Variants in SWT1 observed in about 807,000 individuals in gnomAD.
The protein encoded by SWT1 is SWT1 RNA endoribonuclease homolog.
SWT1 carries 33 observed loss-of-function variants against 107.3 expected under a neutral mutation model. The observed-to-expected ratio is 0.31, with a 90% CI of 0.23 to 0.41. The LOEUF is 0.41. Among genes scored for constraint, SWT1 ranks in the 10% least tolerant of loss-of-function variants. SWT1 has a pLI of 1.00. For missense variants in SWT1, 898 were observed against 1,028.9 expected (o/e 0.87, Z 1.74); for synonymous variants, 345 against 348.3 (o/e 0.99, Z 0.11).
At position 185,233,730 on chromosome 1, in the gene SWT1, G is replaced by A. The variant is rs570001725; in HGVS notation, c.2441+2022G>A. On this transcript the variant is annotated intron_variant, in intron 16 of 18. Coordinates refer to ENST00000367500, the MANE Select transcript of SWT1 (RefSeq NM_017673.7). ...AGAGTGTTTTACTTCGAATTATGTGGTCAATTTTATTTATTTATTTATTTA... is the reference window on the plus strand; with the variant it reads ...AGAGTGTTTTACTTCGAATTATGTGATCAATTTTATTTATTTATTTATTTA... Among the ~76,000 whole-genome samples the A allele has an allele frequency of 5.3e-5, 8 of 152,044 alleles. No individual in the cohort carries two copies. In the South Asian group the frequency reaches 1.7e-3, roughly 32 times the overall value.
At chr1:185,176,830 A>G (rs914191403) in intron 5 of SWT1, 17 of 444,696 alleles carry the variant, frequency 3.8e-5, no homozygotes, top group Non-Finnish European at 5.1e-5. Flanking sequence ...TAAAAATACA[A>G]AAAATTAGCT....
At chr1:185,223,842 C>A (rs1216380174) in intron 15 of SWT1, among the ~76,000 whole-genome samples, 1 of 152,132 alleles carries the variant, frequency 6.6e-6, no homozygotes, top group Non-Finnish European at 1.5e-5. Flanking sequence ...TTGCTCCCCT[C>A]CATGTGTCCA....
intron 11 of SWT1, 94 bp from the exon 12 acceptor site, chr1:185,204,606 A>C (rs547659905): frequency 1.9e-6 from 1 of 533,410 alleles, no homozygotes; most frequent in Non-Finnish European, 3.1e-6. Context: ...AAATATATAC[A>C]TAAAATGTTT....
At chr1:185,210,853 G>C (rs905664768) in intron 13 of SWT1, among the ~76,000 whole-genome samples, 4 of 152,070 alleles carry the variant, frequency 2.6e-5, no homozygotes, top group Admixed American at 2.6e-4. Context: ...AAAGTCTCAG[G>C]ATACAAAATC....
chr1:185,259,588 T>C (rs1338467713), intron 16 of SWT1, among the ~76,000 whole-genome samples: 1 of 152,118 alleles, frequency 6.6e-6, no homozygotes, highest in Non-Finnish European at 1.5e-5. Flanking sequence ...TATTTATAAA[T>C]TGAGTGACTC....
At chr1:185,226,098 G>A (rs1314338671) in intron 15 of SWT1, among the ~76,000 whole-genome samples, 3 of 152,028 alleles carry the variant, frequency 2.0e-5, no homozygotes. Context: ...CCCTGACAGG[G>A]ATAACCACTT....
At position 185,286,936 on chromosome 1, in the gene SWT1, T is replaced by G. The variant is rs12082574; in HGVS notation, c.2574-3738T>G. On this transcript the variant is annotated intron_variant, in intron 18 of 18. Coordinates refer to ENST00000367500, the MANE Select transcript of SWT1 (RefSeq NM_017673.7). ...GATCTGAGGAGGAAAGCATTCATTC[T>G]TTTACCGTTGATGTTAGCTATTATA... Among the ~76,000 whole-genome samples, 768 of 152,314 alleles carry G rather than the reference T, an allele frequency of 5.0e-3. 7 individuals carry two copies. The highest frequency in any genetic ancestry group is 0.018 in the African/African-American group (732 of 41,562).
intron 17 of SWT1, among the ~76,000 whole-genome samples, chr1:185,271,617 T>A (rs1190325996): frequency 1.3e-5 from 2 of 152,222 alleles, no homozygotes. Flanking sequence ...TTATACATAG[T>A]GAAATGGTTT....
intron 16 of SWT1, among the ~76,000 whole-genome samples, chr1:185,247,434 T>G (rs1265021668): frequency 6.6e-6 from 1 of 152,230 alleles, no homozygotes; most frequent in African/African-American, 2.4e-5. Flanking sequence ...GGACTGTTGA[T>G]GCTTTAGGCT....
At chr1:185,257,366 G>A (rs988099925) in intron 16 of SWT1, among the ~76,000 whole-genome samples, 4 of 152,220 alleles carry the variant, frequency 2.6e-5, no homozygotes, top group East Asian at 1.9e-4. Context: ...AATGGAGGGC[G>A]CCCCTCCCCC....
chr1:185,234,470 T>C (rs1480441772), intron 16 of SWT1, among the ~76,000 whole-genome samples: 1 of 152,218 alleles, frequency 6.6e-6, no homozygotes, highest in African/African-American at 2.4e-5. Flanking sequence ...TTCGTAAATA[T>C]TCCTCCATCC....
intron 2 of SWT1, among the ~76,000 whole-genome samples, chr1:185,165,317 G>A (rs190449755): frequency 1.3e-5 from 2 of 152,162 alleles, no homozygotes; most frequent in Non-Finnish European, 1.5e-5. Context: ...GTGTGACACA[G>A]AGACATGAAG....
In SWT1 at chr1:185,189,991, G is replaced by A. The variant is rs191730748; in HGVS notation, c.1430-558G>A. On this transcript the variant is annotated intron_variant, in intron 9 of 18. Transcript: ENST00000367500. Reference sequence around the variant, plus strand: ...AGATTCCCAGTAGCTGGGATTACAGGCACCTGTCACAATGCCTGGCTAATT... The same window carrying A: ...AGATTCCCAGTAGCTGGGATTACAGACACCTGTCACAATGCCTGGCTAATT... Among the ~76,000 whole-genome samples the A allele has an allele frequency of 1.7e-3, 257 of 152,006 alleles. 2 individuals are homozygous for A. Among genetic ancestry groups the A allele is most frequent in the Non-Finnish European group, 3.1e-3 (213 of 67,968 alleles).
chr1:185,218,047 TG>T (rs1346013604), intron 14 of SWT1, among the ~76,000 whole-genome samples: 4 of 152,326 alleles, frequency 2.6e-5, no homozygotes, highest in African/African-American at 9.6e-5. Context: ...CCAAAAAGGT[TG>T]GGGACTGATG....
intron 10 of SWT1, among the ~76,000 whole-genome samples, chr1:185,201,625 T>C (rs906464878): frequency 2.6e-5 from 4 of 152,144 alleles, no homozygotes; most frequent in African/African-American, 7.2e-5. Context: ...GTACCTCAGT[T>C]GGAAATGCAG....
chr1:185,201,172 C>G (rs1657843342), intron 10 of SWT1, among the ~76,000 whole-genome samples: 1 of 152,166 alleles, frequency 6.6e-6, no homozygotes, highest in South Asian at 2.1e-4. Context: ...GCCAGTGGAT[C>G]TTAGCTTGCT....
At position 185,290,667 on chromosome 1, in the gene SWT1, C is replaced by A; in HGVS notation, c.2574-7C>A. 6.4e-7 allele frequency: 1 copy of A among 1,561,118 alleles called. No individual in the cohort carries two copies. Among genetic ancestry groups the A allele is most frequent in the Non-Finnish European group, 8.7e-7 (1 of 1,152,434 alleles). On this transcript the variant is annotated splice_region_variant and splice_polypyrimidine_tract_variant and intron_variant, in intron 18 of 18. Coordinates refer to ENST00000367500, the MANE Select transcript of SWT1 (RefSeq NM_017673.7). The stretch of plus-strand genomic sequence containing the variant: ...TTGCAATGATTTAATATTTCTTTTT[C>A]TCCTAGGGAAAAGTTAACCATTGGA...
At chr1:185,246,443 A>T (rs1014485684) in intron 16 of SWT1, among the ~76,000 whole-genome samples, 7 of 151,726 alleles carry the variant, frequency 4.6e-5, no homozygotes, top group African/African-American at 1.7e-4. Flanking sequence ...CGCCCAGCTA[A>T]CTTTTGTGTT....
In SWT1 at chr1:185,174,551, T is replaced by A. The variant is rs367968129; in HGVS notation, c.404T>A (p.Ile135Asn). The A allele has an allele frequency of 1.2e-6, 2 of 1,607,544 alleles. No individual in the cohort carries two copies. Among genetic ancestry groups the A allele is most frequent in the Non-Finnish European group, 1.7e-6 (2 of 1,178,266 alleles). Reference protein sequence around the residue: ...HKCVDFKPKDIKLTNAGSKLD... With the variant: ...HKCVDFKPKDNKLTNAGSKLD... ...TGTGTAGACTTTAAACCTAAAGATA[T>A]CAAATTGACAAATGCTGGGAGCAAG... Residue 135 changes from isoleucine (I) to asparagine (N), a missense_variant, in exon 5 of 19, where the codon ATC (isoleucine) becomes AAC (asparagine). Transcript: ENST00000367500.
Sources: gnomAD v4.1 joint callset for allele counts (sites outside exome capture counted in the v4.1 genomes callset) on GRCh38, gnomAD v4.1.1 for gene constraint, MANE v1.5 for transcripts, NCBI Gene and HGNC (gene_info 2026-07-23, HGNC 2026-07-21) for gene names.